The following ZNF28 variants were observed in gnomAD, a reference collection of about 807,000 sequenced individuals.
The protein encoded by ZNF28 is zinc finger protein 28.
ZNF28 carries 5 observed loss-of-function variants against 7.2 expected under a neutral mutation model. The ratio of observed to expected loss-of-function variants is 0.70; its 90% CI spans 0.36 to 1.46. The LOEUF (loss-of-function observed/expected upper bound fraction) is 1.46, where lower values mean the gene tolerates loss of function less well. Among genes scored for constraint, ZNF28 ranks in the 40% most tolerant of loss-of-function variants. ZNF28 has a pLI of 0.03. For missense variants in ZNF28, 879 were observed against 866.6 expected, an observed-to-expected ratio of 1.01 and a Z score of -0.18; for synonymous variants, 288 against 292.4, an observed-to-expected ratio of 0.99 and a Z score of 0.15.
In ZNF28 at chr19:52,800,539, C is replaced by T; in HGVS notation, c.1306G>A (p.Glu436Lys). ...CATTCATTACACTTGTAAGGCTTCT[C>T]TCCAGTGTGAATTATACTATGTTTT... ...LAKHSIIHTG[E>K]KPYKCNECGK... The change falls in exon 4 of 4, where the codon GAG becomes AAG. Residue 436 changes from glutamate (E) to lysine (K), a missense_variant. Glu to Lys is a moderately conservative substitution (Grantham distance 56). This residue lies in a region of ZNF28 where 864 missense variants were observed against 830.2 expected (regional missense o/e 1.04). Transcript: ENST00000457749. 1 of 1,613,442 alleles carries T rather than the reference C, an allele frequency of 6.2e-7. No individual in the cohort carries two copies. Among genetic ancestry groups the T allele is most frequent in the Non-Finnish European group, 8.5e-7 (1 of 1,179,866 alleles).
intron 2 of ZNF28, among the ~76,000 whole-genome samples, chr19:52,817,081 T>C (rs1295690699): frequency 6.6e-6 from 1 of 152,066 alleles, no homozygotes; most frequent in East Asian, 1.9e-4. Context: ...CTTAAAATAA[T>C]GAAGGAATAG....
Position 52,801,491 on chromosome 19 carries a change from C to T in ZNF28, c.354G>A (p.Glu118=), listed in dbSNP as rs765719268. 1.2e-6 allele frequency: 2 copies of T among 1,614,072 alleles called. No homozygotes were observed. The highest frequency in any genetic ancestry group is 4.5e-5 in the East Asian group (2 of 44,874). ...CATGTTGGCCTGTACTACCAGTCAA[C>T]TCTTTGATTTCTGTCATGGGTGCTG... ...DHAAPMTEIK[E]LTGSTGQHDQ... is the part of the protein sequence containing the mutation. The change falls in exon 4 of 4, where the codon GAG becomes GAA. Residue 118 remains glutamate, a synonymous_variant. Coordinates refer to ENST00000457749, the MANE Select transcript of ZNF28 (RefSeq NM_006969.5).
At position 52,800,990 on chromosome 19, in the gene ZNF28, G is replaced by T; in HGVS notation, c.855C>A (p.Ser285=). 6.2e-7 allele frequency: 1 copy of T among 1,614,014 alleles called. No homozygotes were observed. The highest frequency in any genetic ancestry group is 8.5e-7 in the Non-Finnish European group (1 of 1,179,990). ...ECGKIFGHNT[S]LFLHKALHTA... ...TATGAAGCGCCTTGTGAAGGAAGAG[G>T]GATGTATTGTGACCAAAGATCTTGC... is the stretch of plus-strand genomic sequence containing the variant. The change falls in exon 4 of 4, where the codon TCC becomes TCA. Residue 285 remains serine (S), a synonymous_variant. Coordinates refer to ENST00000457749, the MANE Select transcript of ZNF28 (RefSeq NM_006969.5).
chr19:52,802,338 A>T (rs929774822), intron 3 of ZNF28, among the ~76,000 whole-genome samples: 6 of 151,920 alleles, frequency 3.9e-5, no homozygotes, highest in Non-Finnish European at 7.4e-5. Flanking sequence ...ACTGCACTCC[A>T]GCCCAGGTGA....
At chr19:52,805,452 C>T (rs1292113924) in intron 3 of ZNF28, 1 of 151,148 alleles carries the variant, frequency 6.6e-6, no homozygotes, top group Non-Finnish European at 1.5e-5. Flanking sequence ...CATGGTGGAA[C>T]CCCATCTCTA....
intron 3 of ZNF28, among the ~76,000 whole-genome samples, chr19:52,806,979 T>C (rs2062944834): frequency 6.6e-6 from 1 of 152,168 alleles, no homozygotes; most frequent in Non-Finnish European, 1.5e-5. Flanking sequence ...TTTTCAGAGA[T>C]GTGAGGATTT....
chr19:52,800,131 T>C lies in ZNF28; in HGVS notation c.1714A>G (p.Ile572Val), dbSNP rs754044787. 6.2e-7 allele frequency: 1 copy of C among 1,614,004 alleles called. No homozygotes were observed. The highest frequency in any genetic ancestry group is 8.5e-7 in the Non-Finnish European group (1 of 1,179,936). ...TTGTACGGTTTCTCTCCAGTATGAATCCTCCTATGTCTTTCCATGTGTGAT... is the reference window on the plus strand; with the variant it reads ...TTGTACGGTTTCTCTCCAGTATGAACCCTCCTATGTCTTTCCATGTGTGAT... ...RKSHMERHRR[I>V]HTGEKPYKCK... Residue 572 changes from isoleucine to valine, a missense_variant, in exon 4 of 4, where the codon ATT becomes GTT. Physicochemically the swap from Ile to Val is conservative, Grantham distance 29. Around this residue, in one of 2 missense-constraint regions of ZNF28, gnomAD observed 864 missense variants for 830.2 expected, o/e 1.04. Transcript: ENST00000457749.
At chr19:52,807,686 G>A (rs1447224720) in intron 3 of ZNF28, among the ~76,000 whole-genome samples, 1 of 152,176 alleles carries the variant, frequency 6.6e-6, no homozygotes, top group East Asian at 1.9e-4. Flanking sequence ...TGTTGGCCAT[G>A]CTGGTTTTGA....
chr19:52,807,260 C>T (rs2147636630), intron 3 of ZNF28, among the ~76,000 whole-genome samples: 1 of 152,256 alleles, frequency 6.6e-6, no homozygotes, highest in Non-Finnish European at 1.5e-5. Flanking sequence ...TTCTAGAGTC[C>T]CAGCCCTATG....
In ZNF28 at chr19:52,800,456, T is replaced by G. The variant is rs370968678; in HGVS notation, c.1389A>C (p.Ala463=). The part of the protein sequence containing the change: ...TLARHHRLHT[A]EKPYKCEECD... Reference sequence around the variant, plus strand: ...ATTCTTCACATTTGTATGGTTTCTCTGCAGTATGAAGTCTATGATGGCGTG... The same window carrying G: ...ATTCTTCACATTTGTATGGTTTCTCGGCAGTATGAAGTCTATGATGGCGTG... The change falls in exon 4 of 4, where the codon GCA becomes GCC. Residue 463 remains alanine, a synonymous_variant. Transcript: ENST00000457749. The G allele has an allele frequency of 3.7e-6, 6 of 1,613,592 alleles. No individual in the cohort carries two copies. Among genetic ancestry groups the G allele is most frequent in the Non-Finnish European group, 5.1e-6 (6 of 1,179,856 alleles).
chr19:52,820,716 CCTT>C (rs2063186753), intron 1 of ZNF28, among the ~76,000 whole-genome samples: 1 of 152,140 alleles, frequency 6.6e-6, no homozygotes, highest in African/African-American at 2.4e-5. Flanking sequence ...TGCTGTCTGT[CCTT>C]CATCTCTCTG....
At position 52,800,000 on chromosome 19, in the gene ZNF28, G is replaced by A. The variant is rs771839434; in HGVS notation, c.1845C>T (p.Thr615=). ...TTATAAGCGATGATGTCTGACGGAA[G>A]GTCTTGCCACACTCATTACACTTGT... ...KPYKCNECGK[T]FRQTSSLIIH... Residue 615 remains threonine, a synonymous_variant, in exon 4 of 4, where the codon ACC becomes ACT. Coordinates refer to ENST00000457749, the MANE Select transcript of ZNF28 (RefSeq NM_006969.5). The A allele has an allele frequency of 3.1e-5, 50 of 1,613,792 alleles. 1 individual carries two copies. In the South Asian group the frequency reaches 5.5e-4, roughly 18 times the overall value.
Position 52,801,267 on chromosome 19 carries a change from C to T in ZNF28, c.578G>A (p.Gly193Glu). The T allele has an allele frequency of 1.9e-6, 3 of 1,614,040 alleles. No individual in the cohort carries two copies. The highest frequency in any genetic ancestry group is 2.5e-6 in the Non-Finnish European group (3 of 1,180,000). ...RPKTHISNKYGNNSLHSSLLT... is the reference protein window; with the variant it reads ...RPKTHISNKYENNSLHSSLLT... ...TAATGAAGAATGGAGGGAATTATTT[C>T]CATACTTATTAGAAATATGGGTTTT... The change falls in exon 4 of 4, where the codon GGA becomes GAA. Residue 193 changes from glycine to glutamate, a missense_variant. Transcript: ENST00000457749.
Position 52,810,146 on chromosome 19 carries a change from G to T in ZNF28, c.16-2013C>A. ...CGGGACTGGTCGAGGGTGACCCGGG[G>T]CTGGAAGCTATCGAAGCTGGAGTCA... On this transcript the variant is annotated intron_variant, in intron 2 of 3. Coordinates refer to ENST00000457749, the MANE Select transcript of ZNF28 (RefSeq NM_006969.5). The T allele has an allele frequency of 4.4e-6, 4 of 912,204 alleles. No individual in the cohort carries two copies. In the Admixed American group the frequency reaches 5.2e-5, roughly 12 times the overall value. The allele number at this position is 912,204 out of a possible 1,614,324, so 56.5% of individuals were successfully genotyped here.
At chr19:52,809,530 T>G (rs932802053) in intron 2 of ZNF28, among the ~76,000 whole-genome samples, 6 of 152,162 alleles carry the variant, frequency 3.9e-5, no homozygotes, top group African/African-American at 9.7e-5. Flanking sequence ...ATTATGGGCC[T>G]GGCGCGGTGG....
intron 3 of ZNF28, among the ~76,000 whole-genome samples, chr19:52,806,360 A>G (rs543936795): frequency 6.6e-6 from 1 of 152,078 alleles, no homozygotes; most frequent in South Asian, 2.1e-4. Flanking sequence ...CGCCTGGCTA[A>G]TTTTTGTAAC....
intron 2 of ZNF28, chr19:52,810,562 C>T: frequency 6.3e-7 from 1 of 1,593,570 alleles, no homozygotes. Context: ...GCACAACAGA[C>T]CGGGGTCTTC....
At chr19:52,811,746 G>C (rs995244935) in intron 2 of ZNF28, among the ~76,000 whole-genome samples, 1 of 148,338 alleles carries the variant, frequency 6.7e-6, no homozygotes, top group Non-Finnish European at 1.5e-5. Context: ...CAGCCGCCCC[G>C]TCCGGGAGGG....
Position 52,799,076 on chromosome 19 carries a change from A to G in ZNF28, c.*612T>C, listed in dbSNP as rs1458744760. Reference sequence around the variant, plus strand: ...TTTCAAGCTGTGATTTGTGACTGACAACTTTGTCACAGTCTTCACATTTGT... The same window carrying G: ...TTTCAAGCTGTGATTTGTGACTGACGACTTTGTCACAGTCTTCACATTTGT... On this transcript the variant is annotated 3_prime_UTR_variant, in exon 4 of 4. Coordinates refer to ENST00000457749, the MANE Select transcript of ZNF28 (RefSeq NM_006969.5). The G allele has an allele frequency of 2.2e-6, 1 of 452,794 alleles. No homozygotes were observed. The allele number at this position is 452,794 out of a possible 1,614,324, so 28.0% of individuals were successfully genotyped here. A position where few individuals can be genotyped will look rare whatever the true frequency, so the allele number is the denominator to read the frequency against.
Sources: allele counts gnomAD v4.1 joint callset (sites outside exome capture counted in the v4.1 genomes callset), GRCh38; gene constraint gnomAD v4.1.1; regional missense constraint gnomAD v4.1.1; transcripts MANE v1.5; gene names NCBI Gene and HGNC (gene_info 2026-07-23, HGNC 2026-07-21).